The following PCLAF variants were observed in gnomAD, a reference collection of about 807,000 sequenced individuals.
The protein encoded by PCLAF is PCNA-associated factor.
Under a neutral mutation model 15.1 loss-of-function variants are expected in PCLAF, and 12 were observed. The observed-to-expected ratio is 0.79, with a 90% CI of 0.51 to 1.29. The LOEUF is 1.29. Among genes scored for constraint, PCLAF ranks in the 50% most tolerant of loss-of-function variants. The pLI, the probability that PCLAF is intolerant of heterozygous loss-of-function variation, is 0.00. For missense variants in PCLAF, 116 were observed against 130.9 expected (o/e 0.89, Z 0.56); for synonymous variants, 33 against 47.1 (o/e 0.70, Z 1.22).
intron 3 of PCLAF, among the ~76,000 whole-genome samples, chr15:64,376,335 A>C (rs946296718): frequency 6.6e-6 from 1 of 152,162 alleles, no homozygotes; most frequent in Non-Finnish European, 1.5e-5. Flanking sequence ...AACTTGACTC[A>C]ATATCCTATT....
chr15:64,371,030 G>A (rs542764109), intron 3 of PCLAF, among the ~76,000 whole-genome samples: 2 of 143,812 alleles, frequency 1.4e-5, no homozygotes, highest in African/African-American at 2.6e-5. Flanking sequence ...GTGCAGTAGC[G>A]CAATCTCGGC....
chr15:64,370,839 T>G (rs1018887831), intron 3 of PCLAF, among the ~76,000 whole-genome samples: 3 of 147,970 alleles, frequency 2.0e-5, no homozygotes, highest in East Asian at 1.9e-4. Context: ...GTTTTTTTTT[T>G]TTTTTTTTTT....
exon 1 of PCLAF, chr15:64,387,668 G>A (rs1342724114): frequency 2.8e-6 from 4 of 1,411,002 alleles, no homozygotes; most frequent in African/African-American, 1.4e-5. Context: ...GACTCCGGAG[G>A]GCACAAGGAA....
upstream of PCLAF, among the ~76,000 whole-genome samples, chr15:64,385,677 T>C (rs1209682082): frequency 6.6e-6 from 1 of 150,774 alleles, no homozygotes. Flanking sequence ...CCTAGATAAC[T>C]TGTAAAGCAT....
At chr15:64,377,180 T>C (rs1899627406) in intron 2 of PCLAF, among the ~76,000 whole-genome samples, 1 of 151,660 alleles carries the variant, frequency 6.6e-6, no homozygotes, top group Non-Finnish European at 1.5e-5. Flanking sequence ...GCTATTCAAA[T>C]ACTCTTGCCG....
chr15:64,384,840 C>A (rs1479237064), upstream of PCLAF, among the ~76,000 whole-genome samples: 1 of 151,724 alleles, frequency 6.6e-6, no homozygotes, highest in African/African-American at 2.4e-5. Flanking sequence ...TAACAAATGA[C>A]AGTAATAATA....
intron 3 of PCLAF, among the ~76,000 whole-genome samples, chr15:64,371,326 C>T (rs528549085): frequency 6.6e-6 from 1 of 151,770 alleles, no homozygotes; most frequent in South Asian, 2.1e-4. Context: ...AGTGCAGTAG[C>T]GCGATCTCAG....
rs1317779833 is a variant in PCLAF at position 64,381,052 on chromosome 15, C to A, written c.47-14G>T. The A allele has an allele frequency of 6.2e-7, 1 of 1,608,752 alleles. No homozygotes were observed. Among genetic ancestry groups the A allele is most frequent in the Non-Finnish European group, 8.5e-7 (1 of 1,178,264 alleles). ...GAGCAGCCACCACTGTGAAGAGAGG[C>A]AAAAAAGGGTGTTCAGAAGGGGCAG... is the stretch of plus-strand genomic sequence containing the variant. On this transcript the variant is annotated splice_polypyrimidine_tract_variant and intron_variant, in intron 1 of 3. Coordinates refer to ENST00000300035, the MANE Select transcript of PCLAF (RefSeq NM_014736.6).
At chr15:64,375,640 A>C (rs1231013153) in intron 3 of PCLAF, among the ~76,000 whole-genome samples, 1 of 152,052 alleles carries the variant, frequency 6.6e-6, no homozygotes, top group Non-Finnish European at 1.5e-5. Flanking sequence ...CGATCTGCCC[A>C]CTGTAGCCTC....
At chr15:64,383,992 G>A (rs1899885797), upstream of PCLAF, among the ~76,000 whole-genome samples, 3 of 151,924 alleles carry the variant, frequency 2.0e-5, no homozygotes, top group Admixed American at 2.0e-4. Flanking sequence ...TGAAATGTTT[G>A]CTTTGCAGAA....
chr15:64,369,223 C>A (rs1899176375), intron 3 of PCLAF, among the ~76,000 whole-genome samples: 1 of 151,750 alleles, frequency 6.6e-6, no homozygotes, highest in Non-Finnish European at 1.5e-5. Flanking sequence ...TAGCCAGGAG[C>A]AATGGCATGC....
intron 3 of PCLAF, among the ~76,000 whole-genome samples, chr15:64,368,337 AT>A (rs1221641679): frequency 2.0e-5 from 3 of 152,164 alleles, no homozygotes; most frequent in African/African-American, 7.2e-5. Context: ...CAAAAACAAA[AT>A]AAGATTATCA....
In PCLAF at chr15:64,376,576, C is replaced by T. The variant is rs574243409; in HGVS notation, c.290+167G>A. Among the ~76,000 whole-genome samples, 5 of 152,224 alleles carry T rather than the reference C, an allele frequency of 3.3e-5. No homozygotes were observed. In the East Asian group the frequency reaches 7.7e-4, roughly 23 times the overall value. On this transcript the variant is annotated intron_variant, in intron 3 of 3. Coordinates refer to ENST00000300035, the MANE Select transcript of PCLAF (RefSeq NM_014736.6). Reference sequence around the variant, plus strand: ...CTAGGACAACAGGTGTGCACCAGCACGCCGAGCTAATTTTGTATTTTTAGT... The same window carrying T: ...CTAGGACAACAGGTGTGCACCAGCATGCCGAGCTAATTTTGTATTTTTAGT...
chr15:64,379,181 A>C (rs1349909724), intron 2 of PCLAF, among the ~76,000 whole-genome samples: 2 of 152,072 alleles, frequency 1.3e-5, no homozygotes, highest in Admixed American at 6.6e-5. Flanking sequence ...TGCGGCTCTA[A>C]TGAAATTTCA....
At chr15:64,381,832 T>G (rs1341151017), upstream of PCLAF, among the ~76,000 whole-genome samples, 2 of 152,242 alleles carry the variant, frequency 1.3e-5, no homozygotes, top group African/African-American at 4.8e-5. Flanking sequence ...AAGCGGACTT[T>G]TTGATGCAAA....
At chr15:64,367,897 C>T (rs1899112843) in intron 3 of PCLAF, among the ~76,000 whole-genome samples, 1 of 27,090 alleles carries the variant, frequency 3.7e-5, no homozygotes. Flanking sequence ...TAATCAAAAA[C>T]TACTTTTTTT....
upstream of PCLAF, chr15:64,382,869 G>C (rs1014601739): frequency 7.7e-6 from 2 of 260,710 alleles, no homozygotes; most frequent in South Asian, 7.4e-5. Context: ...GCATGTGCCT[G>C]TAGTCCCAGC....
At chr15:64,385,467 A>G (rs552164417), upstream of PCLAF, among the ~76,000 whole-genome samples, 18 of 151,956 alleles carry the variant, frequency 1.2e-4, no homozygotes, top group South Asian at 4.2e-4. Flanking sequence ...CTCTACTACA[A>G]ATACAAAATT....
intron 3 of PCLAF, among the ~76,000 whole-genome samples, chr15:64,372,699 C>T (rs527261802): frequency 6.8e-6 from 1 of 146,250 alleles, no homozygotes; most frequent in South Asian, 2.2e-4. Context: ...CTTGGCCAGG[C>T]GCAGTGGCTC....
Sources: gnomAD v4.1 joint callset for allele counts (sites outside exome capture counted in the v4.1 genomes callset) on GRCh38, gnomAD v4.1.1 for gene constraint, MANE v1.5 for transcripts, NCBI Gene and HGNC (gene_info 2026-07-23, HGNC 2026-07-21) for gene names.